TRAK1: variants seen among roughly 807,000 people sequenced by gnomAD.
TRAK1 encodes the protein trafficking kinesin-binding protein 1.
A neutral mutation model predicts 92.1 loss-of-function variants in TRAK1; 33 were observed. That is an observed-to-expected ratio of 0.36 (90% CI 0.27 to 0.48). The LOEUF (loss-of-function observed/expected upper bound fraction) is 0.48, where lower values mean the gene tolerates loss of function less well. Ranked by LOEUF, TRAK1 falls within the 20% of genes least tolerant of loss-of-function variation. TRAK1 has a pLI of 0.99. For synonymous variants in TRAK1, 521 were observed against 517.3 expected (o/e 1.01, Z -0.10); for missense variants, 1,123 against 1,257.9 (o/e 0.89, Z 1.62).
At chr3:42,122,312 G>A (rs1709990812) in intron 1 of TRAK1, among the ~76,000 whole-genome samples, 2 of 151,912 alleles carry the variant, frequency 1.3e-5, no homozygotes, top group Admixed American at 6.6e-5. Flanking sequence ...GCTCATAAGT[G>A]AGACATTATT....
intron 1 of TRAK1, among the ~76,000 whole-genome samples, chr3:42,066,792 A>G (rs1464382967): frequency 6.6e-6 from 1 of 152,076 alleles, no homozygotes; most frequent in Non-Finnish European, 1.5e-5. Flanking sequence ...TGGTGTGTAC[A>G]TGACTGTTTG....
intron 13 of TRAK1, chr3:42,203,076 G>A (rs1707873995): frequency 8.1e-7 from 1 of 1,233,700 alleles, no homozygotes; most frequent in East Asian, 3.1e-5. Context: ...TAGAGGCACT[G>A]CTAACTGATT....
intron 1 of TRAK1, among the ~76,000 whole-genome samples, chr3:42,106,467 A>G (rs920491084): frequency 6.6e-6 from 1 of 152,226 alleles, no homozygotes; most frequent in African/African-American, 2.4e-5. Flanking sequence ...ATTCAACAAG[A>G]AGAGTTTGAG....
chr3:42,191,673 A>T, intron 7 of TRAK1, 37 bp downstream of exon 7: 1 of 1,564,318 alleles, frequency 6.4e-7, no homozygotes, highest in South Asian at 1.2e-5. Context: ...ACTTCCTTGC[A>T]TCTGCTGTCA....
chr3:42,218,579 CATG>C (rs1215486468), intron 14 of TRAK1: 11 of 985,156 alleles, frequency 1.1e-5, no homozygotes, highest in Non-Finnish European at 1.3e-5. Flanking sequence ...CCTCTGCAAT[CATG>C]ATGTCTCCCA....
chr3:42,151,267 G>A (rs370836681), intron 2 of TRAK1: 2 of 443,850 alleles, frequency 4.5e-6, no homozygotes, highest in Non-Finnish European at 9.0e-6. Context: ...GCTTGCCATG[G>A]TCAATCTGGA....
chr3:42,032,480 G>GAAAAAAAAAAAAAA (rs57423237), intron 1 of TRAK1, among the ~76,000 whole-genome samples: 1 of 120,896 alleles, frequency 8.3e-6, no homozygotes, highest in African/African-American at 2.8e-5. Context: ...GGGTCAACCT[G>GAAAAAAAAAAAAAA]AAAAAAAAAA....
intron 1 of TRAK1, among the ~76,000 whole-genome samples, chr3:42,041,938 A>G (rs1357094063): frequency 6.6e-6 from 1 of 152,060 alleles, no homozygotes; most frequent in African/African-American, 2.4e-5. Context: ...GATTGCAGGC[A>G]CGTGTCACCA....
At chr3:42,041,772 T>G (rs1177880939) in intron 1 of TRAK1, among the ~76,000 whole-genome samples, 1 of 150,608 alleles carries the variant, frequency 6.6e-6, no homozygotes, top group Non-Finnish European at 1.5e-5. Flanking sequence ...GGAAGTTCCC[T>G]TCTATTTCTA....
At chr3:42,060,212 G>GAGTA (rs1427843715) in intron 1 of TRAK1, among the ~76,000 whole-genome samples, 1 of 151,900 alleles carries the variant, frequency 6.6e-6, no homozygotes, top group Non-Finnish European at 1.5e-5. Context: ...ATAAACAAAT[G>GAGTA]AGTATATTGT....
At position 42,184,705 on chromosome 3, in the gene TRAK1, G is replaced by A; in HGVS notation, c.384G>A (p.Leu128=). 6.2e-7 allele frequency: 1 copy of A among 1,614,106 alleles called. No homozygotes were observed. The highest frequency in any genetic ancestry group is 8.5e-7 in the Non-Finnish European group (1 of 1,179,970). Residue 128 remains leucine, a synonymous_variant, in exon 4 of 16, where the codon TTG becomes TTA. Coordinates refer to ENST00000327628, the MANE Select transcript of TRAK1 (RefSeq NM_001042646.3). The part of the protein sequence containing the change: ...LLEEKERDLE[L]AARIGQSLLK... ...TGTAGAAAGAGCGGGATTTAGAATT[G>A]GCCGCTCGCATCGGCCAGTCGTTGT...
chr3:42,219,355 G>C, intron 14 of TRAK1, 139 bp from the exon 15 acceptor site: 1 of 1,548,508 alleles, frequency 6.5e-7, no homozygotes. Flanking sequence ...CAGAACATTT[G>C]CGTTTCACCT....
intron 1 of TRAK1, among the ~76,000 whole-genome samples, chr3:42,106,078 A>G (rs1423702941): frequency 6.6e-6 from 1 of 152,248 alleles, no homozygotes. Context: ...CCAAATTGTA[A>G]AGACCATCAA....
Position 42,125,693 on chromosome 3 carries a change from T to C in TRAK1, c.286+79T>C. On this transcript the variant is annotated intron_variant, in intron 2 of 15. Coordinates refer to ENST00000327628, the MANE Select transcript of TRAK1 (RefSeq NM_001042646.3). Reference sequence around the variant, plus strand: ...AGCCATGGCCCCAAATAAGATCTTGTACTGGCTACCCTGTGATGTGGCTTG... The same window carrying C: ...AGCCATGGCCCCAAATAAGATCTTGCACTGGCTACCCTGTGATGTGGCTTG... 3 of 1,499,882 alleles carry C rather than the reference T, an allele frequency of 2.0e-6. No individual in the cohort carries two copies. The South Asian group carries it at 3.7e-5, about 19-fold the overall frequency. 92.9% of individuals were successfully genotyped at this position (1,499,882 alleles called of 1,614,324 possible). A position where few individuals can be genotyped will look rare whatever the true frequency, so the allele number is the denominator to read the frequency against.
intron 1 of TRAK1, among the ~76,000 whole-genome samples, chr3:42,093,107 G>T (rs1297439882): frequency 6.6e-6 from 1 of 152,052 alleles, no homozygotes; most frequent in Non-Finnish European, 1.5e-5. Context: ...AAACAGAAAA[G>T]AATGGACAGT....
chr3:42,070,776 T>A (rs1300451790), intron 1 of TRAK1, among the ~76,000 whole-genome samples: 2 of 152,268 alleles, frequency 1.3e-5, no homozygotes, highest in African/African-American at 2.4e-5. Context: ...CAGTAGCTTG[T>A]GCCTGCTGGT....
At chr3:42,178,059 T>C (rs1245731241) in intron 3 of TRAK1, among the ~76,000 whole-genome samples, 1 of 152,200 alleles carries the variant, frequency 6.6e-6, no homozygotes, top group Non-Finnish European at 1.5e-5. Flanking sequence ...CACTGACCCC[T>C]TTCTGCTGCA....
chr3:42,149,383 C>T (rs1244188832), intron 2 of TRAK1: 1 of 1,446,162 alleles, frequency 6.9e-7, no homozygotes, highest in Non-Finnish European at 9.1e-7. Context: ...TGTTTTGGCT[C>T]CAGACTGTCG....
exon 1 of TRAK1, chr3:42,014,083 C>T (rs1054274567): frequency 1.3e-5 from 2 of 152,060 alleles, no homozygotes; most frequent in African/African-American, 2.4e-5. Flanking sequence ...GGCACCGCGC[C>T]TGCTGCCGGG....
Sources: gnomAD v4.1 joint callset for allele counts (sites outside exome capture counted in the v4.1 genomes callset) on GRCh38, gnomAD v4.1.1 for gene constraint, MANE v1.5 for transcripts, NCBI Gene and HGNC (gene_info 2026-07-23, HGNC 2026-07-21) for gene names.